ITGB3BP: variants seen among roughly 807,000 people sequenced by gnomAD.
The protein encoded by ITGB3BP is centromere protein R.
In ITGB3BP, 27 loss-of-function variants were observed where a neutral mutation model predicts 29.1. The ratio of observed to expected loss-of-function variants is 0.93; its 90% CI spans 0.68 to 1.28. ITGB3BP has a LOEUF of 1.28. Among genes scored for constraint, ITGB3BP ranks in the 50% most tolerant of loss-of-function variants. The pLI, the probability that ITGB3BP is intolerant of heterozygous loss-of-function variation, is 0.00. For synonymous variants in ITGB3BP, 61 were observed against 61.4 expected, an observed-to-expected ratio of 0.99 and a Z score of 0.03; for missense variants, 192 against 200.2, an observed-to-expected ratio of 0.96 and a Z score of 0.25.
chr1:63,448,209 T>C (rs796287851), intron 7 of ITGB3BP, among the ~76,000 whole-genome samples: 12 of 141,576 alleles, frequency 8.5e-5, no homozygotes, highest in African/African-American at 2.6e-4. Context: ...GGGATAGCAT[T>C]AGGAGATATA....
chr1:63,500,061 T>C (rs908993002), intron 2 of ITGB3BP, among the ~76,000 whole-genome samples: 3 of 152,210 alleles, frequency 2.0e-5, no homozygotes, highest in African/African-American at 4.8e-5. Context: ...TACTTGCAGA[T>C]GACCTGATCT....
In ITGB3BP at chr1:63,459,521, A is replaced by G. The variant is rs554220705; in HGVS notation, c.255-4553T>C. Among the ~76,000 whole-genome samples the G allele has an allele frequency of 3.0e-4, 45 of 152,256 alleles. No individual in the cohort carries two copies. In the South Asian group the frequency reaches 8.9e-3, roughly 30 times the overall value. On this transcript the variant is annotated intron_variant, in intron 4 of 8. Transcript: ENST00000271002. ...TCCATCTCCCTTGACCTAAACTGAT[A>G]ATTTTGGATGACAGTTGAATTATGA...
chr1:63,443,552 T>C (rs900513945), intron 8 of ITGB3BP, among the ~76,000 whole-genome samples: 1 of 152,152 alleles, frequency 6.6e-6, no homozygotes, highest in African/African-American at 2.4e-5. Context: ...AATGTCAGTT[T>C]AAATTTGGAT....
chr1:63,478,759 C>T lies in ITGB3BP; in HGVS notation c.254+5G>A. ...CATATATAATTTCAAAAATAACAAA[C>T]TTACTCATCATTGTCTTTTGTTGTA... On this transcript the variant is annotated splice_donor_5th_base_variant and intron_variant, in intron 4 of 8. Coordinates refer to ENST00000271002, the MANE Select transcript of ITGB3BP (RefSeq NM_014288.5). The T allele has an allele frequency of 7.3e-7, 1 of 1,376,412 alleles. No homozygotes were observed. The highest frequency in any genetic ancestry group is 1.0e-6 in the Non-Finnish European group (1 of 1,003,854). 85.3% of individuals were successfully genotyped at this position (1,376,412 alleles called of 1,614,324 possible).
intron 1 of ITGB3BP, among the ~76,000 whole-genome samples, chr1:63,515,612 G>A (rs966264384): frequency 5.3e-5 from 8 of 151,936 alleles, no homozygotes; most frequent in Non-Finnish European, 7.4e-5. Context: ...CAGATTACAA[G>A]GTCAGGAGTT....
intron 2 of ITGB3BP, among the ~76,000 whole-genome samples, chr1:63,500,774 GACTA>G (rs1443424154): frequency 6.6e-6 from 1 of 151,854 alleles, no homozygotes; most frequent in Admixed American, 6.6e-5. Context: ...TCCAGAAGTG[GACTA>G]ACTGATCCCA....
intron 2 of ITGB3BP, among the ~76,000 whole-genome samples, chr1:63,500,339 T>C (rs745968104): frequency 2.8e-4 from 43 of 151,874 alleles, no homozygotes; most frequent in Admixed American, 9.2e-4. Flanking sequence ...GATCGCGCCA[T>C]TGCACTCCAG....
intron 8 of ITGB3BP, chr1:63,443,242 AC>A (rs1644751439): frequency 6.6e-6 from 1 of 152,218 alleles, no homozygotes; most frequent in African/African-American, 2.4e-5. Context: ...ATCCTCCCTT[AC>A]GCATACCAGT....
At chr1:63,447,792 C>A (rs976797025) in intron 7 of ITGB3BP, 17 of 355,192 alleles carry the variant, frequency 4.8e-5, no homozygotes, top group Middle Eastern at 9.8e-4. Context: ...GGATCTAGAA[C>A]TAGAAATACC....
intron 2 of ITGB3BP, 103 bp downstream of exon 2, chr1:63,508,425 A>C (rs1646126788): frequency 3.2e-6 from 2 of 623,966 alleles, no homozygotes; most frequent in Non-Finnish European, 5.6e-6. Flanking sequence ...CTGTGATATA[A>C]TTAAAATTAT....
At chr1:63,487,660 A>G (rs1209152658) in intron 3 of ITGB3BP, among the ~76,000 whole-genome samples, 1 of 152,156 alleles carries the variant, frequency 6.6e-6, no homozygotes, top group African/African-American at 2.4e-5. Context: ...TTATCTAAAC[A>G]TATCTAAACA....
intron 3 of ITGB3BP, among the ~76,000 whole-genome samples, chr1:63,487,300 C>A: frequency 6.6e-6 from 1 of 151,928 alleles, no homozygotes; most frequent in Non-Finnish European, 1.5e-5. Flanking sequence ...CTGTGCAGTT[C>A]AAACCCATGT....
At chr1:63,485,642 G>A (rs1419475267) in intron 3 of ITGB3BP, among the ~76,000 whole-genome samples, 2 of 151,838 alleles carry the variant, frequency 1.3e-5, no homozygotes, top group Non-Finnish European at 2.9e-5. Flanking sequence ...AACTTATTTT[G>A]TAGTTATTTT....
chr1:63,480,204 C>T (rs1645414572), intron 3 of ITGB3BP, among the ~76,000 whole-genome samples: 1 of 152,116 alleles, frequency 6.6e-6, no homozygotes, highest in Non-Finnish European at 1.5e-5. Context: ...CACGTGAAGA[C>T]ATAGGATGTA....
intron 7 of ITGB3BP, chr1:63,447,529 T>C (rs1440203471): frequency 4.3e-6 from 2 of 466,142 alleles, no homozygotes; most frequent in Non-Finnish European, 8.6e-6. Context: ...AGACAAGTGT[T>C]GTGGGAGCCT....
At chr1:63,504,156 T>C (rs1274405778) in intron 2 of ITGB3BP, among the ~76,000 whole-genome samples, 1 of 151,924 alleles carries the variant, frequency 6.6e-6, no homozygotes, top group Non-Finnish European at 1.5e-5. Context: ...CATGGAATGT[T>C]CTTCCATTTC....
intron 7 of ITGB3BP, chr1:63,451,808 T>G (rs1644864068): frequency 6.6e-6 from 1 of 151,982 alleles, no homozygotes; most frequent in African/African-American, 2.4e-5. Context: ...TTTTAATACC[T>G]CAGGAAATAT....
rs746128771 is a variant in ITGB3BP at position 63,471,400 on chromosome 1, C to T, written c.254+7364G>A. Among the ~76,000 whole-genome samples, 29 of 151,616 alleles carry T rather than the reference C, an allele frequency of 1.9e-4. 1 individual carries two copies. Among genetic ancestry groups the T allele is most frequent in the Admixed American group, 8.5e-4 (13 of 15,262 alleles). ...CCAAGTAGCTGGGACTACAGGCGCC[C>T]GCCACCATGCCTGGCTATTTTTTTA... On this transcript the variant is annotated intron_variant, in intron 4 of 8. Coordinates refer to ENST00000271002, the MANE Select transcript of ITGB3BP (RefSeq NM_014288.5).
At chr1:63,519,994 AAAGTT>A (rs1330069221) in intron 1 of ITGB3BP, among the ~76,000 whole-genome samples, 1 of 152,184 alleles carries the variant, frequency 6.6e-6, no homozygotes, top group African/African-American at 2.4e-5. Flanking sequence ...GGAACAGAAT[AAAGTT>A]AACTCTGGTA....
Sources: gnomAD v4.1 joint callset for allele counts (sites outside exome capture counted in the v4.1 genomes callset) on GRCh38, gnomAD v4.1.1 for gene constraint, MANE v1.5 for transcripts, NCBI Gene and HGNC (gene_info 2026-07-23, HGNC 2026-07-21) for gene names.